The following EFR3A variants were observed in gnomAD, a reference collection of about 807,000 sequenced individuals.
The protein encoded by EFR3A is EFR3 homolog A, also known as protein EFR3 homolog A.
EFR3A carries 76 observed loss-of-function variants against 104.4 expected under a neutral mutation model. That is an observed-to-expected ratio of 0.73 (90% confidence interval 0.60 to 0.88). The LOEUF (loss-of-function observed/expected upper bound fraction) is 0.88. EFR3A is among the 40% of genes least tolerant of loss of function. The probability of loss-of-function intolerance (pLI) is 0.00; values close to 1 mark genes in which losing one functional copy is unlikely to be tolerated. For missense variants in EFR3A, 985 were observed against 1,012.5 expected (o/e 0.97, Z 0.37); for synonymous variants, 330 against 330.0 (o/e 1.00, Z 0.00).
rs528550022 is a variant in EFR3A, at chr8:131,967,517, C to T, written c.856-778C>T. On this transcript the variant is annotated intron_variant, in intron 8 of 22. Coordinates refer to ENST00000254624, the MANE Select transcript of EFR3A (RefSeq NM_015137.6). ...GCTTGGTGGATGATAGTAGACCGAT[C>T]GTGACTCATGGGTGTAAGTGTAGGT... is the stretch of plus-strand genomic sequence containing the variant. Among the ~76,000 whole-genome samples, 8 of 149,162 alleles carry T rather than the reference C, an allele frequency of 5.4e-5. No individual in the cohort carries two copies. The South Asian group carries it at 1.3e-3, about 24-fold the overall frequency.
intron 3 of EFR3A, among the ~76,000 whole-genome samples, chr8:131,945,293 G>A (rs1334992670): frequency 6.6e-6 from 1 of 151,838 alleles, no homozygotes; most frequent in Admixed American, 6.6e-5. Flanking sequence ...AGTAATAAGA[G>A]AGAACCGTGT....
rs1819877041 is a variant in EFR3A, at chr8:131,968,427, A to G, written c.988A>G (p.Ile330Val). 1.9e-6 allele frequency: 3 copies of G among 1,613,312 alleles called. No homozygotes were observed. Among genetic ancestry groups the G allele is most frequent in the South Asian group, 1.1e-5 (1 of 91,050 alleles). ...TGTTGCCATTGCTGCTAAAGGTTCC[A>G]TAGGTGAGTGCCAATAAATAAAATA... ...EAVAIAAKGS[I>V]GPTVLEVFNT... Residue 330 changes from isoleucine (I) to valine (V), a missense_variant, in exon 9 of 23, where the codon ATA (isoleucine) becomes GTA (valine). Ile to Val is a conservative substitution (Grantham distance 29). Transcript: ENST00000254624.
intron 22 of EFR3A, among the ~76,000 whole-genome samples, chr8:132,003,587 A>G (rs1437548401): frequency 1.3e-5 from 2 of 152,298 alleles, no homozygotes; most frequent in South Asian, 2.1e-4. Flanking sequence ...CCCATATTCT[A>G]ATATTATGCT....
intron 1 of EFR3A, 28 bp from the exon 2 acceptor site, chr8:131,940,471 T>C: frequency 6.5e-7 from 1 of 1,536,304 alleles, no homozygotes; most frequent in Non-Finnish European, 8.7e-7. Context: ...ATAATATCTG[T>C]ATTTCTTGAT....
chr8:131,949,785 C>G (rs1269916249), intron 4 of EFR3A, among the ~76,000 whole-genome samples, 184 bp from the exon 5 acceptor site: 1 of 152,116 alleles, frequency 6.6e-6, no homozygotes, highest in Non-Finnish European at 1.5e-5. Context: ...TGCACTGCAG[C>G]CTGGGCAACA....
intron 1 of EFR3A, among the ~76,000 whole-genome samples, chr8:131,923,690 G>A (rs907771365): frequency 2.6e-5 from 4 of 151,922 alleles, no homozygotes; most frequent in Non-Finnish European, 5.9e-5. Flanking sequence ...TAATTCAGAA[G>A]GAACGTATCA....
chr8:131,992,959 G>T (rs1214318003), intron 18 of EFR3A, among the ~76,000 whole-genome samples: 1 of 152,142 alleles, frequency 6.6e-6, no homozygotes, highest in African/African-American at 2.4e-5. Context: ...TTGTAGAAAG[G>T]TCTGTCAATA....
intron 22 of EFR3A, among the ~76,000 whole-genome samples, chr8:132,009,118 G>C (rs1227235387): frequency 2.0e-5 from 3 of 151,808 alleles, no homozygotes; most frequent in Non-Finnish European, 4.4e-5. Flanking sequence ...TAACAATTGA[G>C]GACAGTTTGC....
At chr8:131,928,624 T>A (rs915048521) in intron 1 of EFR3A, among the ~76,000 whole-genome samples, 2 of 152,116 alleles carry the variant, frequency 1.3e-5, no homozygotes, top group Non-Finnish European at 2.9e-5. Flanking sequence ...AGATGTGGTC[T>A]ATAGAACAAT....
intron 8 of EFR3A, among the ~76,000 whole-genome samples, chr8:131,962,948 G>T (rs541420730): frequency 6.6e-6 from 1 of 152,136 alleles, no homozygotes; most frequent in Non-Finnish European, 1.5e-5. Flanking sequence ...TGGAAACTGA[G>T]CAACCTGCTC....
intron 1 of EFR3A, among the ~76,000 whole-genome samples, chr8:131,939,438 G>A (rs1036358263): frequency 2.0e-5 from 3 of 152,054 alleles, no homozygotes; most frequent in African/African-American, 4.8e-5. Context: ...GCATTCCAAG[G>A]TTACATTTAT....
rs957968860 is a variant in EFR3A at position 131,921,160 on chromosome 8, A to G, written c.10+16838A>G. On this transcript the variant is annotated intron_variant, in intron 1 of 22. Coordinates refer to ENST00000254624, the MANE Select transcript of EFR3A (RefSeq NM_015137.6). ...GTGCAACCAACTGGATGATTTCTAC[A>G]ACAGATATTTATTGTCTCACTATTC... is the stretch of plus-strand genomic sequence containing the variant. Among the ~76,000 whole-genome samples the G allele has an allele frequency of 9.2e-5, 14 of 152,314 alleles. No homozygotes were observed. The Middle Eastern group carries it at 0.01, about 111-fold the overall frequency.
In EFR3A at chr8:131,968,362, C is replaced by G; in HGVS notation, c.923C>G (p.Pro308Arg). 1 of 1,613,522 alleles carries G rather than the reference C, an allele frequency of 6.2e-7. No individual in the cohort carries two copies. Among genetic ancestry groups the G allele is most frequent in the Non-Finnish European group, 8.5e-7 (1 of 1,179,628 alleles). ...GHLDARKKDA[P>R]RVRAGIIQVL... is the part of the protein sequence containing the mutation. Reference sequence around the variant, plus strand: ...CTTGATGCTCGTAAAAAAGATGCTCCCCGGGTTCGAGCAGGTATTATTCAG... The same window carrying G: ...CTTGATGCTCGTAAAAAAGATGCTCGCCGGGTTCGAGCAGGTATTATTCAG... The change falls in exon 9 of 23, where the codon CCC becomes CGC. Residue 308 changes from proline (P) to arginine (R), a missense_variant. Transcript: ENST00000254624.
At chr8:131,954,340 C>T (rs1051108459) in intron 6 of EFR3A, among the ~76,000 whole-genome samples, 2 of 151,870 alleles carry the variant, frequency 1.3e-5, no homozygotes, top group African/African-American at 2.4e-5. Flanking sequence ...TACTTTTGCA[C>T]AGGGAGTTAG....
chr8:131,989,052 C>T (rs1032675524), intron 18 of EFR3A, among the ~76,000 whole-genome samples: 6 of 152,156 alleles, frequency 3.9e-5, no homozygotes, highest in Non-Finnish European at 4.4e-5. Flanking sequence ...CATAATGCAT[C>T]TCTACCAATG....
intron 10 of EFR3A, among the ~76,000 whole-genome samples, chr8:131,971,730 A>G (rs897681887): frequency 6.6e-6 from 1 of 152,124 alleles, no homozygotes; most frequent in Admixed American, 6.5e-5. Flanking sequence ...TGACTGGAAT[A>G]CTACATACGT....
At chr8:131,984,881 TG>T (rs755361037) in intron 15 of EFR3A, 47 bp from the exon 16 acceptor site, 1 of 1,523,894 alleles carries the variant, frequency 6.6e-7, no homozygotes, top group South Asian at 1.3e-5. Context: ...AAAATGCTGG[TG>T]AAGTATAAGA....
At chr8:131,904,347 G>T in intron 1 of EFR3A, 25 bp downstream of exon 1, 1 of 1,246,400 alleles carries the variant, frequency 8.0e-7, no homozygotes, top group Non-Finnish European at 1.0e-6. Context: ...GAGGGCCGGG[G>T]GCGTTGGGAG....
intron 1 of EFR3A, among the ~76,000 whole-genome samples, chr8:131,905,199 T>C: frequency 6.6e-6 from 1 of 152,328 alleles, no homozygotes; most frequent in African/African-American, 2.4e-5. Flanking sequence ...GATTTGAGAA[T>C]TCAAGTAGGA....
Sources: gnomAD v4.1 joint callset for allele counts (sites outside exome capture counted in the v4.1 genomes callset) on GRCh38, gnomAD v4.1.1 for gene constraint, MANE v1.5 for transcripts, NCBI Gene and HGNC (gene_info 2026-07-23, HGNC 2026-07-21) for gene names.